Variants in SPTSSA observed in about 807,000 individuals in gnomAD.
SPTSSA encodes the protein serine palmitoyltransferase small subunit A.
SPTSSA carries 8 observed loss-of-function variants against 9.1 expected under a neutral mutation model. The observed-to-expected ratio is 0.88, with a 90% CI of 0.51 to 1.58. The LOEUF is 1.58. Ranked by LOEUF, SPTSSA falls within the 40% of genes most tolerant of loss-of-function variation. SPTSSA has a pLI of 0.00. For synonymous variants in SPTSSA, 42 were observed against 37.7 expected (o/e 1.11, Z -0.41); for missense variants, 100 against 93.8 (o/e 1.07, Z -0.27).
chr14:34,451,215 T>C (rs1349420837), intron 1 of SPTSSA, among the ~76,000 whole-genome samples: 1 of 152,160 alleles, frequency 6.6e-6, no homozygotes, highest in African/African-American at 2.4e-5. Flanking sequence ...CACAAGACTT[T>C]GGAAAACTTA....
rs1185805177 is a variant in SPTSSA at position 34,454,679 on chromosome 14, A to C, written c.112+7417T>G. ...ATCCGGTTAAAGGTGGTCTGCTTCC[A>C]CCGTACTCCCAGAGCTTGATCTGTC... On this transcript the variant is annotated intron_variant, in intron 1 of 1. Transcript: ENST00000298130. Among the ~76,000 whole-genome samples the C allele has an allele frequency of 5.9e-5, 9 of 152,308 alleles. No individual in the cohort carries two copies. The South Asian group carries it at 8.3e-4, about 14-fold the overall frequency.
chr14:34,451,035 T>TG (rs1244193017), intron 1 of SPTSSA, among the ~76,000 whole-genome samples: 1 of 151,108 alleles, frequency 6.6e-6, no homozygotes, highest in Admixed American at 6.6e-5. Flanking sequence ...TTTTTTTTTT[T>TG]GGCCCATAAA....
chr14:34,451,834 G>A (rs1367168183), intron 1 of SPTSSA, among the ~76,000 whole-genome samples: 1 of 151,696 alleles, frequency 6.6e-6, no homozygotes, highest in Non-Finnish European at 1.5e-5. Context: ...AGCATTTGAC[G>A]AAGTATTATC....
At chr14:34,444,029 AT>A (rs1237806155) in intron 1 of SPTSSA, among the ~76,000 whole-genome samples, 1 of 152,194 alleles carries the variant, frequency 6.6e-6, no homozygotes, top group Admixed American at 6.5e-5. Flanking sequence ...AAGGGTAAGA[AT>A]TTCTTACTGG....
At chr14:34,452,326 T>C (rs1490015680) in intron 1 of SPTSSA, among the ~76,000 whole-genome samples, 2 of 152,062 alleles carry the variant, frequency 1.3e-5, no homozygotes, top group East Asian at 1.9e-4. Context: ...TTTTCTTACA[T>C]TGAAACAAGT....
intron 1 of SPTSSA, among the ~76,000 whole-genome samples, chr14:34,437,305 T>C (rs1297879843): frequency 1.3e-5 from 2 of 152,226 alleles, no homozygotes; most frequent in Non-Finnish European, 2.9e-5. Context: ...CTCAGGTATT[T>C]TCTAAGGCCC....
chr14:34,454,219 G>A (rs1883992503), intron 1 of SPTSSA, among the ~76,000 whole-genome samples: 1 of 152,100 alleles, frequency 6.6e-6, no homozygotes, highest in Non-Finnish European at 1.5e-5. Flanking sequence ...GCTCCTATGT[G>A]CCATAAATGT....
chr14:34,452,433 C>T (rs1378302036), intron 1 of SPTSSA, among the ~76,000 whole-genome samples: 1 of 152,056 alleles, frequency 6.6e-6, no homozygotes, highest in Non-Finnish European at 1.5e-5. Flanking sequence ...AGCACATCAC[C>T]ATCAGAAATT....
intron 1 of SPTSSA, among the ~76,000 whole-genome samples, chr14:34,443,555 A>G (rs1883367960): frequency 6.1e-5 from 3 of 49,060 alleles, no homozygotes; most frequent in South Asian, 1.5e-3. Flanking sequence ...GTGTGTTTTG[A>G]GATGGAGTTT....
In SPTSSA at chr14:34,442,025, G is replaced by A. The variant is rs369839884; in HGVS notation, c.113-6721C>T. Among the ~76,000 whole-genome samples the A allele has an allele frequency of 7.2e-5, 11 of 152,004 alleles. 1 individual carries two copies. Among genetic ancestry groups the A allele is most frequent in the Admixed American group, 4.6e-4 (7 of 15,266 alleles). On this transcript the variant is annotated intron_variant, in intron 1 of 1. Coordinates refer to ENST00000298130, the MANE Select transcript of SPTSSA (RefSeq NM_138288.4). ...AGAGTAGGTGGGATTACAGGCGCCC[G>A]CCACCATGCCCGGCTAATTTTTGTA...
At chr14:34,459,696 G>A (rs999849083) in intron 1 of SPTSSA, among the ~76,000 whole-genome samples, 4 of 148,596 alleles carry the variant, frequency 2.7e-5, no homozygotes, top group Non-Finnish European at 4.4e-5. Flanking sequence ...CAGGAGAATC[G>A]CTTGAACCTG....
At chr14:34,457,991 CAAAGA>C (rs1208066696) in intron 1 of SPTSSA, among the ~76,000 whole-genome samples, 19 of 91,160 alleles carry the variant, frequency 2.1e-4, no homozygotes, top group African/African-American at 4.1e-4. Context: ...AAAAAAAAAA[CAAAGA>C]AAAGAAAAGA....
At chr14:34,448,939 AC>A (rs1883471142) in intron 1 of SPTSSA, among the ~76,000 whole-genome samples, 1 of 151,548 alleles carries the variant, frequency 6.6e-6, no homozygotes, top group Non-Finnish European at 1.5e-5. Flanking sequence ...GGTTGAGGCT[AC>A]AGTGAGCTGA....
intron 1 of SPTSSA, among the ~76,000 whole-genome samples, chr14:34,451,479 T>C (rs1386771857): frequency 6.6e-6 from 1 of 152,112 alleles, no homozygotes; most frequent in Non-Finnish European, 1.5e-5. Flanking sequence ...ATCCCAGCAC[T>C]TTGGGAGGCC....
At position 34,433,938 on chromosome 14, in the gene SPTSSA, G is replaced by C. The variant is rs1294880705; in HGVS notation, c.*1263C>G. 2 of 150,404 alleles carry C rather than the reference G, an allele frequency of 1.3e-5. No individual in the cohort carries two copies. The highest frequency in any genetic ancestry group is 5.0e-5 in the African/African-American group (2 of 40,280). The allele number at this position is 150,404 out of a possible 1,614,324, so 9.3% of individuals were successfully genotyped here. Reference sequence around the variant, plus strand: ...AGATCATGCTGTTGCACTCCATCCTGGGCGACAGGGCAAGACTCCGTCTCA... The same window carrying C: ...AGATCATGCTGTTGCACTCCATCCTCGGCGACAGGGCAAGACTCCGTCTCA... On this transcript the variant is annotated 3_prime_UTR_variant, in exon 2 of 2. Transcript: ENST00000298130.
chr14:34,459,235 C>T (rs1878560035), intron 1 of SPTSSA, among the ~76,000 whole-genome samples: 1 of 151,488 alleles, frequency 6.6e-6, no homozygotes. Context: ...GAGTTTGAGA[C>T]CAGACTGGCC....
intron 1 of SPTSSA, among the ~76,000 whole-genome samples, chr14:34,443,197 GGGTGTGTGTGTGTGT>G (rs1420045937): frequency 0.013 from 227 of 17,942 alleles, 8 homozygotes; most frequent in South Asian, 0.019. Flanking sequence ...TTCCTCTAGG[GGGTGTGTGTGTGTGT>G]GTGTGTGTGT....
intron 1 of SPTSSA, among the ~76,000 whole-genome samples, chr14:34,442,926 C>G (rs1883342337): frequency 6.6e-6 from 1 of 150,742 alleles, no homozygotes; most frequent in Non-Finnish European, 1.5e-5. Context: ...TTGGATCTTC[C>G]TTTGTGTGTG....
chr14:34,451,609 GC>G (rs951938446), intron 1 of SPTSSA, among the ~76,000 whole-genome samples: 1 of 151,442 alleles, frequency 6.6e-6, no homozygotes, highest in African/African-American at 2.4e-5. Flanking sequence ...TGTAGTCCCA[GC>G]TACTCCGGAG....
Sources: gnomAD v4.1 joint callset for allele counts (sites outside exome capture counted in the v4.1 genomes callset) on GRCh38, gnomAD v4.1.1 for gene constraint, MANE v1.5 for transcripts, NCBI Gene and HGNC (gene_info 2026-07-23, HGNC 2026-07-21) for gene names.